CRYBA4: variants seen among roughly 807,000 people sequenced by gnomAD.
CRYBA4 encodes the protein crystallin beta A4.
Under a neutral mutation model 31.7 loss-of-function variants are expected in CRYBA4, and 30 were observed. The ratio of observed to expected loss-of-function variants is 0.95; its 90% CI spans 0.71 to 1.28. The LOEUF (loss-of-function observed/expected upper bound fraction) is 1.28, where lower values mean the gene tolerates loss of function less well. CRYBA4 is among the 50% of genes most tolerant of loss of function. The pLI is 0.00. For missense variants in CRYBA4, 225 were observed against 260.7 expected (o/e 0.86, Z 0.94); for synonymous variants, 102 against 102.3 (o/e 1.00, Z 0.02).
At chr22:26,624,943 G>T (rs1017596815) in intron 3 of CRYBA4, among the ~76,000 whole-genome samples, 1 of 152,156 alleles carries the variant, frequency 6.6e-6, no homozygotes, top group African/African-American at 2.4e-5. Flanking sequence ...GCTGCCTCGT[G>T]GCAGCCTCCC....
chr22:26,591,952 A>C, the CRYBA4 span, among the ~76,000 whole-genome samples: 156 of 148,938 alleles, frequency 1.0e-3, no homozygotes, highest in African/African-American at 2.8e-3. Flanking sequence ...CACAGATATT[A>C]AGTAATTTGC....
the CRYBA4 span, chr22:26,599,773 T>G: frequency 2.3e-6 from 2 of 888,862 alleles, no homozygotes; most frequent in Admixed American, 1.9e-5. Flanking sequence ...ATCCCTGCAG[T>G]CGGCTGCTCT....
At chr22:26,603,384 G>A in the CRYBA4 span, among the ~76,000 whole-genome samples, 4 of 150,972 alleles carry the variant, frequency 2.6e-5, no homozygotes, top group African/African-American at 4.9e-5. Context: ...GCAAAAATTA[G>A]CCAGGTGCAA....
At chr22:26,601,191 C>A in the CRYBA4 span, among the ~76,000 whole-genome samples, 22 of 152,248 alleles carry the variant, frequency 1.4e-4, no homozygotes, top group East Asian at 4.1e-3. Flanking sequence ...CTTACGTTTA[C>A]CTAGAGGAGA....
chr22:26,622,492 A>G (rs1056445171), intron 1 of CRYBA4, 93 bp from the exon 2 acceptor site: 23 of 1,061,386 alleles, frequency 2.2e-5, no homozygotes, highest in East Asian at 4.7e-5. Flanking sequence ...TGGACTCCCT[A>G]TGTGGATCCT....
At chr22:26,609,230 A>G in the CRYBA4 span, among the ~76,000 whole-genome samples, 27,053 of 152,250 alleles carry the variant, frequency 0.18, 3,160 homozygotes, top group South Asian at 0.38. Flanking sequence ...CTGAGACAGA[A>G]TGCATCACAG....
the CRYBA4 span, chr22:26,616,084 G>A: frequency 1.5e-6 from 2 of 1,350,254 alleles, no homozygotes; most frequent in South Asian, 2.3e-5. Context: ...GAAGGAGGAG[G>A]AGGGAAGGAA....
chr22:26,626,247 C>CA (rs1478259173), intron 4 of CRYBA4, among the ~76,000 whole-genome samples: 1 of 151,914 alleles, frequency 6.6e-6, no homozygotes, highest in Non-Finnish European at 1.5e-5. Context: ...ACTGAAAATA[C>CA]AAAAAAATTA....
chr22:26,612,221 A>G, the CRYBA4 span: 1 of 1,472,570 alleles, frequency 6.8e-7, no homozygotes, highest in Admixed American at 1.7e-5. Context: ...TGCCAAGGGC[A>G]GAGTGAGGGG....
Position 26,630,591 on chromosome 22 carries a change from G to T in CRYBA4, c.*104G>T, listed in dbSNP as rs1602344636. ...TTCTGCCTCCCCCTGTAACCTGTGT[G>T]AACCCAGCACCCATGTGAACTGGTC... On this transcript the variant is annotated 3_prime_UTR_variant, in exon 6 of 6. Transcript: ENST00000354760. 1.1e-5 allele frequency: 11 copies of T among 1,002,382 alleles called. No individual in the cohort carries two copies. In the East Asian group the frequency reaches 2.6e-4, roughly 24 times the overall value. The allele number at this position is 1,002,382 out of a possible 1,614,324, so 62.1% of individuals were successfully genotyped here. A position where few individuals can be genotyped will look rare whatever the true frequency, so the allele number is the denominator to read the frequency against.
chr22:26,627,076 G>C (rs1351249830), intron 4 of CRYBA4, among the ~76,000 whole-genome samples: 1 of 152,072 alleles, frequency 6.6e-6, no homozygotes, highest in Non-Finnish European at 1.5e-5. Context: ...GCTAATATAG[G>C]GACCCGTGGC....
the CRYBA4 span, among the ~76,000 whole-genome samples, chr22:26,613,628 T>C: frequency 6.6e-6 from 1 of 152,212 alleles, no homozygotes; most frequent in Admixed American, 6.5e-5. Context: ...TTTAATCTCT[T>C]AATCCTGTCA....
chr22:26,601,105 A>G, the CRYBA4 span, among the ~76,000 whole-genome samples: 1 of 152,222 alleles, frequency 6.6e-6, no homozygotes, highest in Non-Finnish European at 1.5e-5. Flanking sequence ...GGGAGGCAGA[A>G]AGGAACAAGA....
the CRYBA4 span, among the ~76,000 whole-genome samples, chr22:26,602,505 T>C: frequency 2.0e-5 from 3 of 150,880 alleles, no homozygotes; most frequent in African/African-American, 7.3e-5. Flanking sequence ...GCAGGAGGAT[T>C]GCTTGAGCCC....
rs374796179 is a variant in CRYBA4 at position 26,630,538 on chromosome 22, G to T, written c.*51G>T. The T allele has an allele frequency of 4.6e-6, 7 of 1,523,630 alleles. No homozygotes were observed. The highest frequency in any genetic ancestry group is 6.3e-6 in the Non-Finnish European group (7 of 1,115,146). The allele number at this position is 1,523,630 out of a possible 1,614,324, so 94.4% of individuals were successfully genotyped here. A position where few individuals can be genotyped will look rare whatever the true frequency, so the allele number is the denominator to read the frequency against. On this transcript the variant is annotated 3_prime_UTR_variant, in exon 6 of 6. Coordinates refer to ENST00000354760, the MANE Select transcript of CRYBA4 (RefSeq NM_001886.3). ...ATGCGTGCTTATCTGCAATGGAGGC[G>T]CTCTGGAGGCTGTGGTGTGTTCTCT... is the stretch of plus-strand genomic sequence containing the variant.
At chr22:26,592,926 A>T in the CRYBA4 span, among the ~76,000 whole-genome samples, 1 of 152,252 alleles carries the variant, frequency 6.6e-6, no homozygotes, top group East Asian at 1.9e-4. Flanking sequence ...GATCAGAATG[A>T]TCGTCTTGTT....
upstream of CRYBA4, among the ~76,000 whole-genome samples, chr22:26,619,387 A>T (rs765714031): frequency 6.6e-6 from 1 of 152,206 alleles, no homozygotes; most frequent in Admixed American, 6.5e-5. Context: ...ACCGAGGCCC[A>T]GGTGGAACAA....
chr22:26,614,222 A>T, the CRYBA4 span, among the ~76,000 whole-genome samples: 1 of 152,092 alleles, frequency 6.6e-6, no homozygotes, highest in African/African-American at 2.4e-5. Context: ...AAAGTACTTG[A>T]TGTCTGTGAC....
the CRYBA4 span, among the ~76,000 whole-genome samples, chr22:26,597,888 T>C: frequency 6.6e-6 from 1 of 152,244 alleles, no homozygotes; most frequent in Admixed American, 6.5e-5. Context: ...TGGTTTTTTT[T>C]CTTCTTTTTT....
Sources: allele counts gnomAD v4.1 joint callset (sites outside exome capture counted in the v4.1 genomes callset), GRCh38; gene constraint gnomAD v4.1.1; transcripts MANE v1.5; gene names NCBI Gene and HGNC (gene_info 2026-07-23, HGNC 2026-07-21).